The following DLG2 variants were observed in gnomAD, a reference collection of about 807,000 sequenced individuals.
The protein encoded by DLG2 is discs large MAGUK scaffold protein 2, also known as disks large homolog 2.
A neutral mutation model predicts 132.5 loss-of-function variants in DLG2; 45 were observed. That is an observed-to-expected ratio of 0.34 (90% CI 0.27 to 0.44). DLG2 has a LOEUF of 0.44. Ranked by LOEUF, DLG2 falls within the 20% of genes least tolerant of loss-of-function variation. The pLI is 1.00. For synonymous variants in DLG2, 424 were observed against 419.6 expected (o/e 1.01, Z -0.13); for missense variants, 1,045 against 1,196.9 (o/e 0.87, Z 1.87).
intron 18 of DLG2, among the ~76,000 whole-genome samples, chr11:83,722,211 A>C (rs900787343): frequency 6.6e-6 from 1 of 152,198 alleles, no homozygotes; most frequent in Non-Finnish European, 1.5e-5. Context: ...TTATGGGTCA[A>C]TCATAGTTTT....
At chr11:84,935,094 C>T (rs1184536818) in intron 6 of DLG2, among the ~76,000 whole-genome samples, 2 of 152,140 alleles carry the variant, frequency 1.3e-5, no homozygotes, top group East Asian at 1.9e-4. Context: ...TCACCTCTGA[C>T]AATCTCTTTC....
intron 3 of DLG2, among the ~76,000 whole-genome samples, chr11:85,545,350 G>T (rs1305002366): frequency 6.6e-6 from 1 of 152,128 alleles, no homozygotes; most frequent in Non-Finnish European, 1.5e-5. Context: ...ACTTGATCGT[G>T]GTGGATAAGC....
intron 16 of DLG2, among the ~76,000 whole-genome samples, chr11:83,873,035 C>G (rs1374786959): frequency 6.6e-6 from 1 of 152,086 alleles, no homozygotes; most frequent in Non-Finnish European, 1.5e-5. Context: ...TTAGGAAATT[C>G]TGCACGATGT....
chr11:84,141,724 CATT>C (rs2094856426), intron 9 of DLG2, among the ~76,000 whole-genome samples: 1 of 152,088 alleles, frequency 6.6e-6, no homozygotes, highest in African/African-American at 2.4e-5. Context: ...AGAGGCTCAT[CATT>C]GAGTAGTGAT....
chr11:83,769,753 C>T (rs889489833), intron 18 of DLG2, among the ~76,000 whole-genome samples: 6 of 151,806 alleles, frequency 4.0e-5, no homozygotes, highest in Non-Finnish European at 5.9e-5. Context: ...TTAGTAGAGA[C>T]GGGGTTTCAC....
At chr11:83,678,828 A>T (rs1395536526) in intron 18 of DLG2, among the ~76,000 whole-genome samples, 1 of 152,148 alleles carries the variant, frequency 6.6e-6, no homozygotes, top group Non-Finnish European at 1.5e-5. Context: ...TAGATTTACG[A>T]ACTTTTTATG....
At chr11:84,044,648 G>A (rs1018839933) in intron 11 of DLG2, among the ~76,000 whole-genome samples, 10 of 151,702 alleles carry the variant, frequency 6.6e-5, no homozygotes, top group South Asian at 2.1e-4. Flanking sequence ...GCATCTAATT[G>A]GAGAAATTTC....
intron 6 of DLG2, among the ~76,000 whole-genome samples, chr11:84,938,825 T>A (rs2049049400): frequency 6.6e-6 from 1 of 152,158 alleles, no homozygotes; most frequent in Non-Finnish European, 1.5e-5. Context: ...TCATCTTATA[T>A]AAGAACATTT....
intron 7 of DLG2, among the ~76,000 whole-genome samples, chr11:84,396,040 C>T (rs1383544510): frequency 1.3e-5 from 2 of 152,192 alleles, no homozygotes; most frequent in Non-Finnish European, 2.9e-5. Context: ...TAAAAGGTAG[C>T]CTGCTCTTAG....
intron 7 of DLG2, among the ~76,000 whole-genome samples, chr11:84,282,222 TTAAA>T (rs1599010937): frequency 6.6e-6 from 1 of 152,300 alleles, no homozygotes; most frequent in African/African-American, 2.4e-5. Context: ...GGACTAATCT[TTAAA>T]TAATCATGTT....
chr11:85,589,250 G>C (rs1218182840), intron 3 of DLG2, among the ~76,000 whole-genome samples: 1 of 152,154 alleles, frequency 6.6e-6, no homozygotes, highest in Non-Finnish European at 1.5e-5. Flanking sequence ...CTCTTCCTTG[G>C]AGCAGCGTTA....
intron 6 of DLG2, among the ~76,000 whole-genome samples, chr11:84,629,132 G>A (rs1002866734): frequency 6.6e-6 from 1 of 152,040 alleles, no homozygotes; most frequent in Non-Finnish European, 1.5e-5. Flanking sequence ...CTCTGTCTTT[G>A]TCTCAATCTC....
chr11:83,727,861 T>G (rs1295678149), intron 18 of DLG2, among the ~76,000 whole-genome samples: 1 of 152,188 alleles, frequency 6.6e-6, no homozygotes, highest in African/African-American at 2.4e-5. Flanking sequence ...CAAAAGGAAG[T>G]TCTCTGTAAA....
At chr11:83,837,833 T>C (rs754457933) in intron 16 of DLG2, among the ~76,000 whole-genome samples, 6 of 152,032 alleles carry the variant, frequency 3.9e-5, no homozygotes, top group Non-Finnish European at 8.8e-5. Flanking sequence ...CTCTAAAGTC[T>C]TCCTACATTT....
At chr11:83,642,225 T>TAATAAA (rs2066783362) in intron 18 of DLG2, among the ~76,000 whole-genome samples, 1 of 152,232 alleles carries the variant, frequency 6.6e-6, no homozygotes, top group African/African-American at 2.4e-5. Flanking sequence ...ACGTAAGTGC[T>TAATAAA]TGCTGAATTG....
intron 6 of DLG2, among the ~76,000 whole-genome samples, chr11:84,847,677 T>C (rs2154019410): frequency 6.6e-6 from 1 of 152,252 alleles, no homozygotes; most frequent in East Asian, 1.9e-4. Flanking sequence ...AAGCATGGCC[T>C]AAGGATAAAT....
intron 6 of DLG2, among the ~76,000 whole-genome samples, chr11:84,907,764 T>A (rs1186529575): frequency 6.6e-6 from 1 of 152,186 alleles, no homozygotes; most frequent in Non-Finnish European, 1.5e-5. Context: ...AGAGTTTGCA[T>A]TCTCCCAAGA....
chr11:84,196,045 A>C (rs1259719255), intron 8 of DLG2, among the ~76,000 whole-genome samples: 1 of 152,354 alleles, frequency 6.6e-6, no homozygotes, highest in Non-Finnish European at 1.5e-5. Context: ...TTGTATGTAG[A>C]TCATTATTAA....
intron 6 of DLG2, among the ~76,000 whole-genome samples, chr11:85,108,874 A>G (rs547907343): frequency 3.0e-4 from 46 of 152,270 alleles, no homozygotes; most frequent in African/African-American, 1.1e-3. Context: ...TAAGTTATTG[A>G]GGCCATTTCA....
Sources: allele counts gnomAD v4.1 joint callset (sites outside exome capture counted in the v4.1 genomes callset), GRCh38; gene constraint gnomAD v4.1.1; transcripts MANE v1.5; gene names NCBI Gene and HGNC (gene_info 2026-07-23, HGNC 2026-07-21).